The following CACNB2 variants were observed in gnomAD, a reference collection of about 807,000 sequenced individuals.
CACNB2 encodes the protein calcium voltage-gated channel auxiliary subunit beta 2.
Under a neutral mutation model 73.3 loss-of-function variants are expected in CACNB2, and 42 were observed. The ratio of observed to expected loss-of-function variants is 0.57; its 90% confidence interval spans 0.45 to 0.74. The LOEUF (loss-of-function observed/expected upper bound fraction) is 0.74. Among genes scored for constraint, CACNB2 ranks in the 30% least tolerant of loss-of-function variants. CACNB2 has a pLI of 0.00. For synonymous variants in CACNB2, 348 were observed against 310.3 expected (o/e 1.12, Z -1.28); for missense variants, 940 against 853.0 (o/e 1.10, Z -1.27).
At chr10:18,488,900 G>A (rs553014539) in intron 3 of CACNB2, among the ~76,000 whole-genome samples, 5 of 152,136 alleles carry the variant, frequency 3.3e-5, no homozygotes, top group Admixed American at 6.6e-5. Context: ...ATCTTCAGCC[G>A]GGTACGGTGG....
intron 2 of CACNB2, among the ~76,000 whole-genome samples, chr10:18,263,337 A>G (rs1199010545): frequency 1.3e-5 from 2 of 152,276 alleles, no homozygotes; most frequent in East Asian, 1.9e-4. Flanking sequence ...CCAGACCCCT[A>G]TGTGGTACTG....
intron 3 of CACNB2, among the ~76,000 whole-genome samples, chr10:18,456,044 T>C (rs2047261557): frequency 6.6e-6 from 1 of 152,308 alleles, no homozygotes; most frequent in Non-Finnish European, 1.5e-5. Flanking sequence ...CATGCTTGCC[T>C]TTTTTTCCAT....
intron 2 of CACNB2, among the ~76,000 whole-genome samples, chr10:18,325,069 A>G (rs2040529854): frequency 6.6e-6 from 1 of 152,232 alleles, no homozygotes; most frequent in African/African-American, 2.4e-5. Flanking sequence ...GGAACAAGGG[A>G]CACCACATTT....
chr10:18,283,839 T>C (rs932129409), intron 2 of CACNB2, among the ~76,000 whole-genome samples: 5 of 152,110 alleles, frequency 3.3e-5, no homozygotes, highest in African/African-American at 1.2e-4. Context: ...ATAAAAAGTG[T>C]TCTTCAAACA....
intron 2 of CACNB2, among the ~76,000 whole-genome samples, chr10:18,265,949 G>C (rs1384609795): frequency 6.6e-6 from 1 of 152,142 alleles, no homozygotes; most frequent in Non-Finnish European, 1.5e-5. Context: ...GGAAGGTAAT[G>C]TAGTCCACAT....
chr10:18,439,383 G>C (rs1188879575), intron 3 of CACNB2, among the ~76,000 whole-genome samples: 1 of 152,152 alleles, frequency 6.6e-6, no homozygotes, highest in Non-Finnish European at 1.5e-5. Context: ...AATTTTACAA[G>C]GGAAAATTTG....
chr10:18,400,852 C>G (rs893303612), intron 2 of CACNB2: 22 of 1,474,488 alleles, frequency 1.5e-5, no homozygotes, highest in Admixed American at 5.1e-5. Context: ...AAATAAGAAT[C>G]TCCCTGGATG....
At chr10:18,464,729 A>C in intron 3 of CACNB2, among the ~76,000 whole-genome samples, 1 of 152,250 alleles carries the variant, frequency 6.6e-6, no homozygotes, top group Non-Finnish European at 1.5e-5. Flanking sequence ...TTCTGCTCTT[A>C]TTCCTTTCCA....
At chr10:18,477,074 T>C (rs1344184731) in intron 3 of CACNB2, among the ~76,000 whole-genome samples, 1 of 149,546 alleles carries the variant, frequency 6.7e-6, no homozygotes, top group Admixed American at 6.7e-5. Context: ...AGGGGGAGGG[T>C]ATTGCAAAGG....
intron 7 of CACNB2, chr10:18,515,109 T>G (rs1436568245): frequency 4.7e-6 from 6 of 1,276,818 alleles, no homozygotes; most frequent in Admixed American, 1.7e-5. Flanking sequence ...CAGTCAGATT[T>G]TACCATCTCA....
Position 18,236,871 on chromosome 10 carries a change from C to T in CACNB2, c.213+85896C>T, listed in dbSNP as rs971457833. Among the ~76,000 whole-genome samples, 7 of 152,240 alleles carry T rather than the reference C, an allele frequency of 4.6e-5. No homozygotes were observed. In the South Asian group the frequency reaches 8.3e-4, roughly 18 times the overall value. ...TCGGCTAAGGATCTCCTTTGGGGGA[C>T]TGTTTCAATCTGACATCCTGGCTTA... On this transcript the variant is annotated intron_variant, in intron 2 of 13. Transcript: ENST00000324631.
intron 5 of CACNB2, among the ~76,000 whole-genome samples, chr10:18,501,977 T>G (rs61839303): frequency 0.11 from 16,079 of 152,236 alleles, 1,186 homozygotes; most frequent in East Asian, 0.36. Flanking sequence ...GATGGTGAGA[T>G]GCATTCAGTC....
chr10:18,275,157 T>C (rs527726097), intron 2 of CACNB2, among the ~76,000 whole-genome samples: 2 of 152,344 alleles, frequency 1.3e-5, no homozygotes, highest in East Asian at 3.9e-4. Context: ...ACAGCTGTGC[T>C]CCATCGCTAT....
At chr10:18,357,015 A>G (rs1264924271) in intron 2 of CACNB2, among the ~76,000 whole-genome samples, 7 of 131,324 alleles carry the variant, frequency 5.3e-5, no homozygotes, top group Non-Finnish European at 1.1e-4. Flanking sequence ...CGCGATCTCG[A>G]CTCACTGCAA....
chr10:18,258,695 G>A lies in CACNB2; in HGVS notation c.213+107720G>A, dbSNP rs142723540. Among the ~76,000 whole-genome samples, 808 of 151,862 alleles carry A rather than the reference G, an allele frequency of 5.3e-3. 3 individuals carry two copies. The highest frequency in any genetic ancestry group is 9.5e-3 in the Non-Finnish European group (645 of 67,906). On this transcript the variant is annotated intron_variant, in intron 2 of 13. Transcript: ENST00000324631. ...GAGCTGAGATCATGCCACTGCACTC[G>A]AGCCTGGGTGACAAGAGCGAAACTC...
At chr10:18,514,997 G>A in intron 7 of CACNB2, 1 of 1,613,686 alleles carries the variant, frequency 6.2e-7, no homozygotes, top group Non-Finnish European at 8.5e-7. Flanking sequence ...ATCTGCAGAT[G>A]AACAAGACCA....
rs1289693970 is a variant in CACNB2 at position 18,438,547 on chromosome 10, G to A, written c.333+36504G>A. ...GTCCCTCACCACCTGTGCTCTGCTC[G>A]TGTTTACCCTGCGTGCCGCCAATAG... is the stretch of plus-strand genomic sequence containing the variant. On this transcript the variant is annotated intron_variant, in intron 3 of 13. Coordinates refer to ENST00000324631, the MANE Select transcript of CACNB2 (RefSeq NM_201596.3). Among the ~76,000 whole-genome samples, 5 of 152,144 alleles carry A rather than the reference G, an allele frequency of 3.3e-5. No individual in the cohort carries two copies. In the South Asian group the frequency reaches 6.2e-4, roughly 19 times the overall value.
intron 5 of CACNB2, among the ~76,000 whole-genome samples, chr10:18,505,639 A>T (rs1170254876): frequency 6.6e-6 from 1 of 152,192 alleles, no homozygotes; most frequent in Admixed American, 6.5e-5. Context: ...CAGTGAGATC[A>T]TTTTGCCCAA....
At chr10:18,405,942 ACT>A (rs1014037532) in intron 3 of CACNB2, among the ~76,000 whole-genome samples, 15 of 144,254 alleles carry the variant, frequency 1.0e-4, no homozygotes, top group Admixed American at 8.9e-4. Context: ...ACAGAGCAAG[ACT>A]CTGTCAAAAA....
Sources: allele counts gnomAD v4.1 joint callset (sites outside exome capture counted in the v4.1 genomes callset), GRCh38; gene constraint gnomAD v4.1.1; transcripts MANE v1.5; gene names NCBI Gene and HGNC (gene_info 2026-07-23, HGNC 2026-07-21).